MRTFA: variants seen among roughly 807,000 people sequenced by gnomAD.
MRTFA encodes the protein myocardin related transcription factor A, also known as myocardin-related transcription factor A.
Under a neutral mutation model 83.5 loss-of-function variants are expected in MRTFA, and 20 were observed. The observed-to-expected ratio is 0.24, with a 90% CI of 0.17 to 0.35. The LOEUF (loss-of-function observed/expected upper bound fraction) is 0.35, where lower values mean the gene tolerates loss of function less well. MRTFA is among the 10% of genes least tolerant of loss of function. MRTFA has a pLI of 1.00. For missense variants in MRTFA, 1,200 were observed against 1,224.7 expected (o/e 0.98, Z 0.30); for synonymous variants, 659 against 541.2 (o/e 1.22, Z -3.02).
intron 14 of MRTFA, among the ~76,000 whole-genome samples, chr22:40,415,824 C>T (rs998888277): frequency 2.6e-5 from 4 of 152,072 alleles, no homozygotes; most frequent in South Asian, 2.1e-4. Context: ...GCCTACCTTC[C>T]GTGTCCAGGC....
At chr22:40,525,222 T>C (rs940466081) in intron 3 of MRTFA, among the ~76,000 whole-genome samples, 1 of 152,214 alleles carries the variant, frequency 6.6e-6, no homozygotes, top group African/African-American at 2.4e-5. Flanking sequence ...GAAATCTCAC[T>C]ACTCAGAGAA....
intron 2 of MRTFA, among the ~76,000 whole-genome samples, chr22:40,555,583 A>T (rs926918115): frequency 8.1e-5 from 12 of 148,654 alleles, no homozygotes; most frequent in African/African-American, 1.9e-4. Flanking sequence ...ATTAAAAAAA[A>T]TTTTATATAT....
intron 3 of MRTFA, among the ~76,000 whole-genome samples, chr22:40,521,282 C>G (rs2054861293): frequency 6.6e-6 from 1 of 152,116 alleles, no homozygotes; most frequent in Non-Finnish European, 1.5e-5. Context: ...TCCACAGGCC[C>G]TGACAATATG....
intron 2 of MRTFA, among the ~76,000 whole-genome samples, chr22:40,590,990 C>G (rs1384829348): frequency 1.3e-5 from 2 of 151,926 alleles, no homozygotes; most frequent in Non-Finnish European, 2.9e-5. Flanking sequence ...AAAAAATTAG[C>G]CGGGCGTGGT....
chr22:40,425,355 G>A (rs185577792), intron 7 of MRTFA, among the ~76,000 whole-genome samples: 12 of 152,390 alleles, frequency 7.9e-5, no homozygotes, highest in Admixed American at 7.2e-4. Flanking sequence ...AGAAGGAACT[G>A]AGGCAGTGGT....
At chr22:40,433,389 T>C (rs1474760615) in intron 5 of MRTFA, 1 of 152,178 alleles carries the variant, frequency 6.6e-6, no homozygotes, top group Non-Finnish European at 1.5e-5. Flanking sequence ...ATCCCAGCTA[T>C]TCAGGAGGTC....
chr22:40,562,147 G>A (rs1156991391), intron 2 of MRTFA, among the ~76,000 whole-genome samples: 3 of 151,898 alleles, frequency 2.0e-5, no homozygotes, highest in African/African-American at 7.2e-5. Context: ...AACCCGGGAG[G>A]CGGAGCTTCC....
Position 40,418,712 on chromosome 22 carries a change from T to C in MRTFA, c.2026A>G (p.Lys676Glu). 2 of 956,424 alleles carry C rather than the reference T, an allele frequency of 2.1e-6. No homozygotes were observed. The highest frequency in any genetic ancestry group is 2.7e-6 in the Non-Finnish European group (2 of 735,714). The allele number at this position is 956,424 out of a possible 1,614,324, so 59.2% of individuals were successfully genotyped here. ...CAGCTGGAGAAGCTGTTCTCCTGCT[T>C]CACGGGGGTGCCGAGGGGGGCGGGG... Residue 676 changes from lysine to glutamate, a missense_variant, in exon 12 of 15, where the codon AAG becomes GAG. Lys to Glu is a moderately conservative substitution (Grantham distance 56, BLOSUM62 1). Transcript: ENST00000355630.
intron 3 of MRTFA, among the ~76,000 whole-genome samples, chr22:40,536,935 C>T (rs1258750250): frequency 2.3e-5 from 2 of 88,204 alleles, no homozygotes; most frequent in Admixed American, 1.2e-4. Flanking sequence ...AAGTGAGGAG[C>T]CTCTCCACCC....
chr22:40,591,533 G>A (rs2056121960), intron 2 of MRTFA, among the ~76,000 whole-genome samples: 3 of 152,114 alleles, frequency 2.0e-5, no homozygotes, highest in East Asian at 1.9e-4. Flanking sequence ...TAAAATGTGC[G>A]CCTTACTTCA....
At chr22:40,515,553 C>T (rs371872658) in intron 3 of MRTFA, among the ~76,000 whole-genome samples, 2 of 151,826 alleles carry the variant, frequency 1.3e-5, no homozygotes, top group African/African-American at 4.8e-5. Flanking sequence ...ACTGGCTGGG[C>T]GTGGTGGCAT....
chr22:40,426,919 C>T (rs190780729), intron 7 of MRTFA, among the ~76,000 whole-genome samples: 153 of 152,280 alleles, frequency 1.0e-3, no homozygotes, highest in Admixed American at 9.8e-4. Context: ...TGCAAGCAGT[C>T]GCACAAGGCA....
At chr22:40,573,492 T>C (rs944727449) in intron 2 of MRTFA, among the ~76,000 whole-genome samples, 1 of 152,150 alleles carries the variant, frequency 6.6e-6, no homozygotes, top group African/African-American at 2.4e-5. Flanking sequence ...TGACCTTGAG[T>C]GATCTGCCTG....
rs774857434 is a variant in MRTFA at position 40,418,497 on chromosome 22, G to C, written c.2241C>G (p.Pro747=). 1.6e-5 allele frequency: 25 copies of C among 1,603,028 alleles called. No homozygotes were observed. The highest frequency in any genetic ancestry group is 2.1e-5 in the Non-Finnish European group (25 of 1,176,444). ...GAGGTGCAACCCCCTTGATGAGGCTGGGGCCCTGAGGCCCCAGAAGCAACT... is the reference window on the plus strand; with the variant it reads ...GAGGTGCAACCCCCTTGATGAGGCTCGGGCCCTGAGGCCCCAGAAGCAACT... Residue 747 remains proline (P), a synonymous_variant, in exon 12 of 15, where the codon CCC becomes CCG. Transcript: ENST00000355630.
chr22:40,621,182 T>TAA (rs764914497), intron 1 of MRTFA, among the ~76,000 whole-genome samples: 8 of 133,002 alleles, frequency 6.0e-5, no homozygotes, highest in African/African-American at 1.1e-4. Flanking sequence ...ACTCTGTCTT[T>TAA]AAAAAAAAAA....
intron 4 of MRTFA, among the ~76,000 whole-genome samples, chr22:40,456,832 C>A (rs2053594156): frequency 6.6e-6 from 1 of 152,144 alleles, no homozygotes; most frequent in Non-Finnish European, 1.5e-5. Context: ...GTCATCTCTG[C>A]ACAAACTGGG....
chr22:40,533,558 C>T lies in MRTFA; in HGVS notation c.241+18548G>A, dbSNP rs187352552. On this transcript the variant is annotated intron_variant, in intron 3 of 14. Transcript: ENST00000355630. ...AATAAGATTTGTAGGAAATTATTAG[C>T]AAGTTAGGAAATTAGGATTTATGTG... 1.5e-3 allele frequency: 1,808 copies of T among 1,200,984 alleles called. 3 individuals are homozygous for T. The highest frequency in any genetic ancestry group is 6.2e-3 in the South Asian group (147 of 23,728). 74.4% of individuals were successfully genotyped at this position (1,200,984 alleles called of 1,614,324 possible).
At position 40,429,634 on chromosome 22, in the gene MRTFA, A is replaced by C; in HGVS notation, c.573T>G (p.Val191=). 1 of 1,614,150 alleles carries C rather than the reference A, an allele frequency of 6.2e-7. No individual in the cohort carries two copies. The highest frequency in any genetic ancestry group is 8.5e-7 in the Non-Finnish European group (1 of 1,180,014). Residue 191 remains valine, a synonymous_variant, in exon 7 of 15, where the codon GTT becomes GTG. Transcript: ENST00000355630. ...TGATGGCTTCCTTCAGGCTGGACTC[A>C]ACAGGAAGGATGTTCTTCTCCACCA...
At chr22:40,507,840 G>A (rs977202203) in intron 3 of MRTFA, among the ~76,000 whole-genome samples, 1 of 151,640 alleles carries the variant, frequency 6.6e-6, no homozygotes, top group African/African-American at 2.4e-5. Flanking sequence ...ACACACACCT[G>A]TAGTCCCAGC....
Sources: allele counts gnomAD v4.1 joint callset (sites outside exome capture counted in the v4.1 genomes callset), GRCh38; gene constraint gnomAD v4.1.1; transcripts MANE v1.5; gene names NCBI Gene and HGNC (gene_info 2026-07-23, HGNC 2026-07-21).